The following MTMR12 variants were observed in gnomAD, a reference collection of about 807,000 sequenced individuals.
The protein encoded by MTMR12 is myotubularin-related protein 12.
A neutral mutation model predicts 96.7 loss-of-function variants in MTMR12; 33 were observed. The ratio of observed to expected loss-of-function variants is 0.34; its 90% CI spans 0.26 to 0.46. The LOEUF (loss-of-function observed/expected upper bound fraction) is 0.46. MTMR12 is among the 20% of genes least tolerant of loss of function. The pLI, the probability that MTMR12 is intolerant of heterozygous loss-of-function variation, is 1.00. For missense variants in MTMR12, 721 were observed against 896.1 expected, an observed-to-expected ratio of 0.80 and a Z score of 2.49; for synonymous variants, 298 against 327.2, an observed-to-expected ratio of 0.91 and a Z score of 0.96.
chr5:32,245,590 G>A (rs535492136), intron 10 of MTMR12, among the ~76,000 whole-genome samples: 2 of 152,132 alleles, frequency 1.3e-5, no homozygotes, highest in African/African-American at 2.4e-5. Context: ...CACTTTGGGA[G>A]GCCGAGGAGG....
intron 12 of MTMR12, among the ~76,000 whole-genome samples, chr5:32,240,709 T>C (rs1211780807): frequency 6.6e-6 from 1 of 152,166 alleles, no homozygotes; most frequent in Non-Finnish European, 1.5e-5. Flanking sequence ...AAAGCAATTC[T>C]TGTGCCTCAG....
chr5:32,250,220 C>T (rs1414020230), intron 8 of MTMR12, among the ~76,000 whole-genome samples: 1 of 152,156 alleles, frequency 6.6e-6, no homozygotes, highest in East Asian at 1.9e-4. Flanking sequence ...AACAGGACCT[C>T]CATGTGGAGA....
In MTMR12 at chr5:32,263,208, G is replaced by A; in HGVS notation, c.618C>T (p.Asp206=). 1 of 1,614,114 alleles carries A rather than the reference G, an allele frequency of 6.2e-7. No individual in the cohort carries two copies. Among genetic ancestry groups the A allele is most frequent in the Non-Finnish European group, 8.5e-7 (1 of 1,179,988 alleles). Residue 206 remains aspartate (D), a synonymous_variant, in exon 7 of 16, where the codon GAC becomes GAT. Coordinates refer to ENST00000382142, the MANE Select transcript of MTMR12 (RefSeq NM_001040446.3). ...GTTCCCAACACCAGTCCTTAAGTGT[G>A]TCAAACATTACGGTATGGTTCTTGG... The part of the protein sequence containing the change: ...TDPKNHTVMF[D]TLKDWCWELE...
intron 4 of MTMR12, among the ~76,000 whole-genome samples, 159 bp downstream of exon 4, chr5:32,271,674 C>T (rs1749838084): frequency 6.6e-6 from 1 of 152,124 alleles, no homozygotes; most frequent in African/African-American, 2.4e-5. Flanking sequence ...TTATATAAAC[C>T]ACTTTACATC....
At chr5:32,235,288 T>G (rs999257970) in intron 13 of MTMR12, among the ~76,000 whole-genome samples, 159 bp from the exon 14 acceptor site, 4 of 152,220 alleles carry the variant, frequency 2.6e-5, no homozygotes, top group Non-Finnish European at 5.9e-5. Flanking sequence ...GTGAGAAATA[T>G]GCTCAACTGA....
rs1417790558 is a variant in MTMR12 at position 32,276,722 on chromosome 5, C to A, written c.102G>T (p.Lys34Asn). Residue 34 changes from lysine to asparagine, a missense_variant, in exon 2 of 16, where the codon AAG (lysine) becomes AAT (asparagine). By Grantham distance (94) the Lys-to-Asn change is moderately conservative (BLOSUM62 0). Transcript: ENST00000382142. ...GAGTTACTTCCTTCTCTGTTACTTC[C>A]TTTTCGTTTGTGTGAATTTCCTAAA... ...VRPEEIHTNE[K>N]EVTEKEVTLH... 1.2e-6 allele frequency: 2 copies of A among 1,613,822 alleles called. No individual in the cohort carries two copies. The highest frequency in any genetic ancestry group is 1.7e-5 in the Admixed American group (1 of 59,996).
At chr5:32,286,892 T>A (rs1161781732) in intron 1 of MTMR12, among the ~76,000 whole-genome samples, 1 of 152,276 alleles carries the variant, frequency 6.6e-6, no homozygotes, top group East Asian at 1.9e-4. Context: ...CACTGAATGA[T>A]CATCTCTTAT....
chr5:32,230,757 T>A (rs1252118042), intron 15 of MTMR12, among the ~76,000 whole-genome samples: 1 of 152,250 alleles, frequency 6.6e-6, no homozygotes. Context: ...GGGAAAAAGA[T>A]GTTTCTTCTT....
chr5:32,285,015 T>C (rs1270542241), intron 1 of MTMR12, among the ~76,000 whole-genome samples: 1 of 152,180 alleles, frequency 6.6e-6, no homozygotes, highest in African/African-American at 2.4e-5. Flanking sequence ...TCACAGCACG[T>C]CCAGGTTTTC....
In MTMR12 at chr5:32,227,373, A is replaced by G. The variant is rs1458876364; in HGVS notation, c.*2405T>C. 1.3e-5 allele frequency: 2 copies of G among 152,668 alleles called. No homozygotes were observed. Among genetic ancestry groups the G allele is most frequent in the Non-Finnish European group, 2.9e-5 (2 of 68,050 alleles). The allele number at this position is 152,668 out of a possible 1,614,324, so 9.5% of individuals were successfully genotyped here. On this transcript the variant is annotated 3_prime_UTR_variant, in exon 16 of 16. Coordinates refer to ENST00000382142, the MANE Select transcript of MTMR12 (RefSeq NM_001040446.3). ...TATAAATCCATTGAGAATTCTGTAC[A>G]CAAATACGAGTTATAGAAATCTGAT...
intron 12 of MTMR12, among the ~76,000 whole-genome samples, chr5:32,239,570 G>A (rs1748383238): frequency 6.6e-6 from 1 of 152,120 alleles, no homozygotes; most frequent in African/African-American, 2.4e-5. Flanking sequence ...CTAGGGTGTG[G>A]AAGCCTCCGT....
intron 10 of MTMR12, among the ~76,000 whole-genome samples, chr5:32,245,106 GCTCA>G (rs1748629183): frequency 6.6e-6 from 1 of 152,180 alleles, no homozygotes; most frequent in African/African-American, 2.4e-5. Context: ...CACAATCTCA[GCTCA>G]CTGCAACCTC....
Position 32,274,106 on chromosome 5 carries a change from AC to A in MTMR12, c.158del (p.Cys53LeufsTer7). 6.2e-7 allele frequency: 1 copy of A among 1,614,212 alleles called. No homozygotes were observed. Among genetic ancestry groups the A allele is most frequent in the South Asian group, 1.1e-5 (1 of 91,076 alleles). The part of the protein sequence containing the change: ...LHLLPGEQLL[C>X]EASTVLKYVQ... ...CATACTTCAGTACTGTGCTGGCTTC[AC>A]AAAGCAGCTGTTCACCTGGTAGAAA... is the stretch of plus-strand genomic sequence containing the variant. On this transcript the variant is annotated frameshift_variant, in exon 3 of 16. Transcript: ENST00000382142. LOFTEE classifies it high-confidence loss of function.
Position 32,284,294 on chromosome 5 carries a change from G to C in MTMR12, c.82-7552C>G, listed in dbSNP as rs554230530. 6.2e-5 allele frequency among the ~76,000 whole-genome samples: 9 copies of C among 144,900 alleles called. No homozygotes were observed. The East Asian group carries it at 1.8e-3, about 29-fold the overall frequency. On this transcript the variant is annotated intron_variant, in intron 1 of 15. Transcript: ENST00000382142. The stretch of plus-strand genomic sequence containing the variant: ...GATTGCACCACTGTACTCCAGCCTG[G>C]GTGACAGAACAAGACCCTGTCTCAA...
intron 6 of MTMR12, among the ~76,000 whole-genome samples, chr5:32,268,495 G>A (rs1246596448): frequency 1.4e-5 from 2 of 144,082 alleles, no homozygotes; most frequent in African/African-American, 5.1e-5. Context: ...GCTACAAAGC[G>A]AGACTCCATC....
intron 7 of MTMR12, among the ~76,000 whole-genome samples, chr5:32,257,602 C>T (rs1749190129): frequency 6.6e-6 from 1 of 152,012 alleles, no homozygotes; most frequent in Non-Finnish European, 1.5e-5. Flanking sequence ...AACCTTGAAT[C>T]TACTAAAAAT....
intron 8 of MTMR12, among the ~76,000 whole-genome samples, chr5:32,250,733 A>G (rs1355753058): frequency 1.3e-5 from 2 of 152,172 alleles, no homozygotes; most frequent in Admixed American, 1.3e-4. Context: ...GTGATATCCA[A>G]CTATAACTCA....
chr5:32,261,801 A>G (rs779087112), intron 7 of MTMR12, among the ~76,000 whole-genome samples: 1 of 152,204 alleles, frequency 6.6e-6, no homozygotes, highest in Non-Finnish European at 1.5e-5. Context: ...GGCCGGGCGC[A>G]ATGGCTCACA....
At chr5:32,231,241 G>T (rs1198606649) in intron 15 of MTMR12, among the ~76,000 whole-genome samples, 2 of 151,920 alleles carry the variant, frequency 1.3e-5, no homozygotes, top group Non-Finnish European at 2.9e-5. Flanking sequence ...ACTAAAAATA[G>T]AAAAAATTAG....
Sources: gnomAD v4.1 joint callset for allele counts (sites outside exome capture counted in the v4.1 genomes callset) on GRCh38, gnomAD v4.1.1 for gene constraint, MANE v1.5 for transcripts, NCBI Gene and HGNC (gene_info 2026-07-23, HGNC 2026-07-21) for gene names.